ACOX3: variants seen among roughly 807,000 people sequenced by gnomAD.
ACOX3 encodes the protein peroxisomal acyl-coenzyme A oxidase 3.
Under a neutral mutation model 81.5 loss-of-function variants are expected in ACOX3, and 73 were observed. That is an observed-to-expected ratio of 0.90 (90% confidence interval 0.74 to 1.09). The LOEUF (loss-of-function observed/expected upper bound fraction) is 1.09, where lower values mean the gene tolerates loss of function less well. ACOX3 is among the 50% of genes least tolerant of loss of function. The probability of loss-of-function intolerance (pLI) is 0.00; values close to 1 mark genes in which losing one functional copy is unlikely to be tolerated. For missense variants in ACOX3, 947 were observed against 928.0 expected (o/e 1.02, Z -0.27); for synonymous variants, 387 against 375.1 (o/e 1.03, Z -0.37).
intron 7 of ACOX3, among the ~76,000 whole-genome samples, chr4:8,401,825 C>A (rs1161641069): frequency 6.6e-6 from 1 of 152,352 alleles, no homozygotes; most frequent in East Asian, 1.9e-4. Flanking sequence ...TGGCCTCATG[C>A]CCTCCATGCA....
At chr4:8,421,438 GCATTGGCCGGTCAAGAT>G (rs1722935170) in intron 1 of ACOX3, among the ~76,000 whole-genome samples, 1 of 152,220 alleles carries the variant, frequency 6.6e-6, no homozygotes, top group Admixed American at 6.5e-5. Context: ...CAAATTCCCG[GCATTGGCCGGTCAAGAT>G]CATGGCGCAG....
chr4:8,396,679 GAAAAA>G (rs531424752), intron 9 of ACOX3, among the ~76,000 whole-genome samples: 1 of 100,684 alleles, frequency 9.9e-6, no homozygotes, highest in African/African-American at 3.7e-5. Flanking sequence ...CTCCGTCTGG[GAAAAA>G]AAAAAAAAAA....
chr4:8,416,301 G>C lies in ACOX3; in HGVS notation c.144+77C>G. ...GCCCGGCAGAGGAGGAGCTGTGAGA[G>C]CCAGAAATCCCATTCTGCTAACGAA... On this transcript the variant is annotated intron_variant, in intron 2 of 17. Transcript: ENST00000356406. The surrounding 1 kb of genome is among the most constrained non-coding windows in gnomAD (Gnocchi z 4.2). 6.2e-7 allele frequency: 1 copy of C among 1,609,824 alleles called. No individual in the cohort carries two copies. The highest frequency in any genetic ancestry group is 8.5e-7 in the Non-Finnish European group (1 of 1,178,210).
chr4:8,440,675 C>T lies in ACOX3; in HGVS notation c.-42G>A, dbSNP rs368825496. ...ACACACTCCACAGTTCAACCCCTGCCAGGGAAACCAAAAGCAGGAAAGGAT... is the reference window on the plus strand; with the variant it reads ...ACACACTCCACAGTTCAACCCCTGCTAGGGAAACCAAAAGCAGGAAAGGAT... On this transcript the variant is annotated 5_prime_UTR_variant, in exon 1 of 18. It introduces an in-frame stop codon into an upstream open reading frame of the 5' UTR. Transcript: ENST00000356406. The T allele has an allele frequency of 7.8e-4, 811 of 1,045,246 alleles. 12 individuals are homozygous for T. The South Asian group carries it at 0.014, about 18-fold the overall frequency. 64.7% of individuals were successfully genotyped at this position (1,045,246 alleles called of 1,614,324 possible).
rs184033742 is a variant in ACOX3 at position 8,419,905 on chromosome 4, C to T, written c.-14-3370G>A. Among the ~76,000 whole-genome samples the T allele has an allele frequency of 1.8e-4, 27 of 152,314 alleles. No homozygotes were observed. In the East Asian group the frequency reaches 4.8e-3, roughly 27 times the overall value. On this transcript the variant is annotated intron_variant, in intron 1 of 17. Coordinates refer to ENST00000356406, the MANE Select transcript of ACOX3 (RefSeq NM_003501.3). The surrounding 1 kb of genome is among the most constrained non-coding windows in gnomAD (Gnocchi z 4.2). ...AATTCCCCTCTCCATGCGCCATAACCTCAGTACATTACCAAGTCCACAGTG... is the reference window on the plus strand; with the variant it reads ...AATTCCCCTCTCCATGCGCCATAACTTCAGTACATTACCAAGTCCACAGTG...
At position 8,401,348 on chromosome 4, in the gene ACOX3, G is replaced by A. The variant is rs187634185; in HGVS notation, c.777-1696C>T. ...TCTATAAAGAATAATCTCACATGCTGGAAGGGAACCAGAGGCACCCGTTTC... is the reference window on the plus strand; with the variant it reads ...TCTATAAAGAATAATCTCACATGCTAGAAGGGAACCAGAGGCACCCGTTTC... On this transcript the variant is annotated intron_variant, in intron 7 of 17. Coordinates refer to ENST00000356406, the MANE Select transcript of ACOX3 (RefSeq NM_003501.3). 2.0e-5 allele frequency among the ~76,000 whole-genome samples: 3 copies of A among 152,280 alleles called. No individual in the cohort carries two copies. In the East Asian group the frequency reaches 5.8e-4, roughly 29 times the overall value.
chr4:8,382,509 C>T lies in ACOX3; in HGVS notation c.1538-902G>A, dbSNP rs1444648550. 6.6e-6 allele frequency among the ~76,000 whole-genome samples: 1 copy of T among 152,230 alleles called. No individual in the cohort carries two copies. The highest frequency in any genetic ancestry group is 1.5e-5 in the Non-Finnish European group (1 of 68,036). On this transcript the variant is annotated intron_variant, in intron 13 of 17. Transcript: ENST00000356406. The surrounding 1 kb of genome is among the most constrained non-coding windows in gnomAD (Gnocchi z 4.1). ...CGCTCACACCCACCCCCTGCCCAGGCACAGAGGGCCTGGCGCCCAGACACG... is the reference window on the plus strand; with the variant it reads ...CGCTCACACCCACCCCCTGCCCAGGTACAGAGGGCCTGGCGCCCAGACACG...
Position 8,437,551 on chromosome 4 carries a change from A to C in ACOX3, c.-15+3097T>G, listed in dbSNP as rs1724330446. Among the ~76,000 whole-genome samples, 1 of 152,214 alleles carries C rather than the reference A, an allele frequency of 6.6e-6. No individual in the cohort carries two copies. The highest frequency in any genetic ancestry group is 6.5e-5 in the Admixed American group (1 of 15,288). ...TCAGGAAGGAAAAAGAAAAACAAAG[A>C]CTTAAGGAAAAAGGCCAATCTGTTA... On this transcript the variant is annotated intron_variant, in intron 1 of 17. Coordinates refer to ENST00000356406, the MANE Select transcript of ACOX3 (RefSeq NM_003501.3). This position sits in a 1 kb window ranked among gnomAD's most constrained non-coding sequence, Gnocchi z 5.2.
At chr4:8,388,071 A>G (rs533870408) in intron 13 of ACOX3, among the ~76,000 whole-genome samples, 8 of 152,356 alleles carry the variant, frequency 5.3e-5, no homozygotes, top group African/African-American at 1.9e-4. Flanking sequence ...AACGAGATGC[A>G]TGCTCACATC....
chr4:8,409,993 C>T (rs1386352769), intron 6 of ACOX3, among the ~76,000 whole-genome samples: 2 of 145,886 alleles, frequency 1.4e-5, no homozygotes, highest in Non-Finnish European at 3.0e-5. Context: ...ACGGGGCTAT[C>T]TGCATTGTGG....
downstream of ACOX3, among the ~76,000 whole-genome samples, chr4:8,363,895 A>T (rs531363592): frequency 6.6e-6 from 1 of 152,296 alleles, no homozygotes; most frequent in South Asian, 2.1e-4. Context: ...GGTCTAAAAC[A>T]GGGAGGCACG....
rs1031284837 is a variant in ACOX3 at position 8,405,608 on chromosome 4, C to T, written c.776+347G>A. Among the ~76,000 whole-genome samples the T allele has an allele frequency of 4.6e-5, 7 of 152,300 alleles. No homozygotes were observed. In the South Asian group the frequency reaches 1.0e-3, roughly 23 times the overall value. ...GCATGGATGTGTGCAGAGGCCGAGC[C>T]GGGGGAGGCTCAGGATGCTGAGGAG... is the stretch of plus-strand genomic sequence containing the variant. On this transcript the variant is annotated intron_variant, in intron 7 of 17. Transcript: ENST00000356406. This position sits in a 1 kb window ranked among gnomAD's most constrained non-coding sequence, Gnocchi z 7.1.
chr4:8,361,364 C>G (rs914045424), downstream of ACOX3, among the ~76,000 whole-genome samples: 2 of 130,378 alleles, frequency 1.5e-5, no homozygotes, highest in South Asian at 2.5e-4. Flanking sequence ...AGGCGGAGCT[C>G]GCAGTGAGCT....
At position 8,394,331 on chromosome 4, in the gene ACOX3, T is replaced by C. The variant is rs368705825; in HGVS notation, c.1179+289A>G. ...GAAATCCACTGAGGGGCGGGTAACG[T>C]GGATTTTGCAAAACCGTCATGTTCT... On this transcript the variant is annotated intron_variant, in intron 10 of 17. Transcript: ENST00000356406. The surrounding 1 kb of genome is among the most constrained non-coding windows in gnomAD (Gnocchi z 5.9). Among the ~76,000 whole-genome samples, 22 of 152,238 alleles carry C rather than the reference T, an allele frequency of 1.4e-4. No homozygotes were observed. The East Asian group carries it at 1.7e-3, about 12-fold the overall frequency.
Position 8,430,779 on chromosome 4 carries a change from G to A in ACOX3, c.-15+9869C>T, listed in dbSNP as rs112423678. ...GCTGAGGCAAGAGAATCGCCTGAAC[G>A]CAGGAGGTAGAGGTTGCAGTGAGCC... On this transcript the variant is annotated intron_variant, in intron 1 of 17. Coordinates refer to ENST00000356406, the MANE Select transcript of ACOX3 (RefSeq NM_003501.3). This position sits in a 1 kb window ranked among gnomAD's most constrained non-coding sequence, Gnocchi z 5.2. Among the ~76,000 whole-genome samples, 1 of 152,100 alleles carries A rather than the reference G, an allele frequency of 6.6e-6. No individual in the cohort carries two copies. The highest frequency in any genetic ancestry group is 1.5e-5 in the Non-Finnish European group (1 of 67,988).
At chr4:8,428,478 C>T (rs1373919175) in intron 1 of ACOX3, 1 of 152,416 alleles carries the variant, frequency 6.6e-6, no homozygotes, top group Non-Finnish European at 1.5e-5. Context: ...CGGCCTCCGT[C>T]CGTCCCATGG....
intron 13 of ACOX3, among the ~76,000 whole-genome samples, chr4:8,387,600 C>T (rs769110185): frequency 7.9e-5 from 12 of 152,204 alleles, no homozygotes; most frequent in African/African-American, 2.2e-4. Flanking sequence ...CTGTGATACG[C>T]GGCTTTACAG....
intron 13 of ACOX3, among the ~76,000 whole-genome samples, chr4:8,387,064 A>G (rs1718400598): frequency 6.6e-6 from 1 of 152,216 alleles, no homozygotes; most frequent in Admixed American, 6.5e-5. Context: ...TGCAAAGCCA[A>G]GAGCATCCTC....
intron 1 of ACOX3, among the ~76,000 whole-genome samples, chr4:8,422,786 G>A (rs1723088921): frequency 6.6e-6 from 1 of 152,160 alleles, no homozygotes; most frequent in Non-Finnish European, 1.5e-5. Flanking sequence ...TGGAGGCTCT[G>A]GAAAAGGGAA....
Sources: gnomAD v4.1 joint callset for allele counts (sites outside exome capture counted in the v4.1 genomes callset) on GRCh38, gnomAD v4.1.1 for gene constraint, Gnocchi (gnomAD v3.1) non-coding constraint, MANE v1.5 for transcripts, NCBI Gene and HGNC (gene_info 2026-07-23, HGNC 2026-07-21) for gene names.